The following TMPRSS6 variants were observed in gnomAD, a reference collection of about 807,000 sequenced individuals.
TMPRSS6 encodes transmembrane protease serine 6.
A neutral mutation model predicts 101.5 loss-of-function variants in TMPRSS6; 67 were observed. The ratio of observed to expected loss-of-function variants is 0.66; its 90% CI spans 0.54 to 0.81. The LOEUF is 0.81. Among genes scored for constraint, TMPRSS6 ranks in the 30% least tolerant of loss-of-function variants. TMPRSS6 has a pLI of 0.00. For synonymous variants in TMPRSS6, 453 were observed against 464.9 expected (o/e 0.97, Z 0.33); for missense variants, 1,034 against 1,088.7 (o/e 0.95, Z 0.71).
intron 16 of TMPRSS6, among the ~76,000 whole-genome samples, chr22:37,067,188 G>A (rs907433114): frequency 2.0e-5 from 3 of 152,164 alleles, no homozygotes; most frequent in Non-Finnish European, 4.4e-5. Flanking sequence ...CCCATGTGGA[G>A]GGCCGGGCAC....
At position 37,101,647 on chromosome 22, in the gene TMPRSS6, A is replaced by T. The variant is rs1169674410; in HGVS notation, c.202+1569T>A. 6.6e-6 allele frequency among the ~76,000 whole-genome samples: 1 copy of T among 151,822 alleles called. No individual in the cohort carries two copies. Among genetic ancestry groups the T allele is most frequent in the Non-Finnish European group, 1.5e-5 (1 of 67,942 alleles). On this transcript the variant is annotated intron_variant, in intron 2 of 17. Transcript: ENST00000676104. The surrounding 1 kb of genome is among the most constrained non-coding windows in gnomAD (Gnocchi z 4.1). Reference sequence around the variant, plus strand: ...TCAACCCTTAATCCCTCTGTGGGGGAGTTGGCTTCCCCCAGCAGAGGCTTG... The same window carrying T: ...TCAACCCTTAATCCCTCTGTGGGGGTGTTGGCTTCCCCCAGCAGAGGCTTG...
chr22:37,068,586 G>T (rs80231274), intron 16 of TMPRSS6: 8 of 779,550 alleles, frequency 1.0e-5, no homozygotes, highest in Non-Finnish European at 1.9e-5. Context: ...TCTAATCTTT[G>T]CTCCAGTCCT....
At chr22:37,075,035 C>T in intron 11 of TMPRSS6, 100 bp downstream of exon 11, 20 of 1,581,002 alleles carry the variant, frequency 1.3e-5, no homozygotes, top group Non-Finnish European at 1.6e-5. Context: ...TCCTTTTGTT[C>T]AGCCTCATAA....
chr22:37,099,109 A>G (rs1930073635), intron 2 of TMPRSS6, among the ~76,000 whole-genome samples: 1 of 152,244 alleles, frequency 6.6e-6, no homozygotes, highest in South Asian at 2.1e-4. Flanking sequence ...GCAGTGCCAC[A>G]TGGTGCTGTT....
intron 10 of TMPRSS6, among the ~76,000 whole-genome samples, chr22:37,083,326 C>A (rs1428859064): frequency 6.6e-6 from 1 of 152,196 alleles, no homozygotes. Context: ...TGCTCCCCAA[C>A]AATGGAGCCA....
chr22:37,094,323 G>C (rs917264073), intron 6 of TMPRSS6, among the ~76,000 whole-genome samples: 2 of 152,054 alleles, frequency 1.3e-5, no homozygotes, highest in African/African-American at 4.8e-5. Flanking sequence ...CCTTAACCAG[G>C]TTTGTATCTA....
At chr22:37,089,813 T>C (rs1409352130) in intron 6 of TMPRSS6, 31 bp from the exon 7 acceptor site, 9 of 1,598,738 alleles carry the variant, frequency 5.6e-6, no homozygotes, top group South Asian at 1.1e-5. Context: ...CAGCCCCTGA[T>C]TCCTGTGAGC....
chr22:37,077,436 C>T (rs1195604553), intron 10 of TMPRSS6, among the ~76,000 whole-genome samples: 2 of 152,236 alleles, frequency 1.3e-5, no homozygotes, highest in Non-Finnish European at 2.9e-5. Context: ...TTACACCAAC[C>T]AGCAGTTCTC....
rs1263518237 is a variant in TMPRSS6, at chr22:37,066,321, G to A, written c.2251-83C>T. ...TGAAGAGCCATAGGGATTAAGTCCTGACTGTTGGGAATTGACTGGGTGCCA... is the reference window on the plus strand; with the variant it reads ...TGAAGAGCCATAGGGATTAAGTCCTAACTGTTGGGAATTGACTGGGTGCCA... On this transcript the variant is annotated intron_variant, in intron 17 of 17. Coordinates refer to ENST00000676104, the MANE Select transcript of TMPRSS6 (RefSeq NM_001374504.1). 2.1e-5 allele frequency: 29 copies of A among 1,358,192 alleles called. No homozygotes were observed. In the South Asian group the frequency reaches 3.1e-4, roughly 15 times the overall value. 84.1% of individuals were successfully genotyped at this position (1,358,192 alleles called of 1,614,324 possible). A position where few individuals can be genotyped will look rare whatever the true frequency, so the allele number is the denominator to read the frequency against.
intron 3 of TMPRSS6, among the ~76,000 whole-genome samples, chr22:37,097,228 A>G (rs887157318): frequency 1.3e-5 from 2 of 152,176 alleles, no homozygotes; most frequent in Non-Finnish European, 2.9e-5. Flanking sequence ...CCCCTACCTC[A>G]TGGAGGAGGA....
intron 9 of TMPRSS6, among the ~76,000 whole-genome samples, 159 bp downstream of exon 9, chr22:37,084,568 C>T (rs1281526669): frequency 6.6e-6 from 1 of 152,194 alleles, no homozygotes; most frequent in Admixed American, 6.5e-5. Flanking sequence ...AGGGAGACCT[C>T]GCCCACAGCC....
Position 37,084,732 on chromosome 22 carries a change from G to T in TMPRSS6, c.1081C>A (p.Leu361Ile). Reference protein sequence around the residue: ...YSPQTHCSWHLTVPSLDYGLA... With the variant: ...YSPQTHCSWHITVPSLDYGLA... Reference sequence around the variant, plus strand: ...CAGGCAGGGTGGGGTCTCACCGTGAGGTGCCAGGAGCAGTGGGTTTGGGGC... The same window carrying T: ...CAGGCAGGGTGGGGTCTCACCGTGATGTGCCAGGAGCAGTGGGTTTGGGGC... Residue 361 changes from leucine (L) to isoleucine (I), a missense_variant, in exon 9 of 18, where the codon CTC becomes ATC. Leu to Ile is a conservative substitution (Grantham distance 5). Coordinates refer to ENST00000676104, the MANE Select transcript of TMPRSS6 (RefSeq NM_001374504.1). The T allele has an allele frequency of 6.4e-7, 1 of 1,561,360 alleles. No individual in the cohort carries two copies. The highest frequency in any genetic ancestry group is 8.7e-7 in the Non-Finnish European group (1 of 1,152,608).
intron 14 of TMPRSS6, 71 bp from the exon 15 acceptor site, chr22:37,070,723 G>T: frequency 6.6e-7 from 1 of 1,521,046 alleles, no homozygotes; most frequent in Non-Finnish European, 9.1e-7. Context: ...GAGAGGAAGG[G>T]CAAAGGAAAG....
chr22:37,066,889 G>T lies in TMPRSS6; in HGVS notation c.2187C>A (p.Arg729=). 1 of 1,614,192 alleles carries T rather than the reference G, an allele frequency of 6.2e-7. No individual in the cohort carries two copies. The highest frequency in any genetic ancestry group is 1.3e-5 in the African/African-American group (1 of 75,060). The change falls in exon 17 of 18, where the codon CGC becomes CGA. Residue 729 remains arginine (R), a synonymous_variant. Transcript: ENST00000676104. ...IPQDLCSEVY[R]YQVTPRMLCA... ...ACAGCATGCGTGGCGTCACCTGGTA[G>T]CGATAGACCTCGCTGCACAGGTCCT...
At chr22:37,089,483 T>A in intron 7 of TMPRSS6, 95 bp downstream of exon 7, 1 of 1,258,980 alleles carries the variant, frequency 7.9e-7, no homozygotes, top group Non-Finnish European at 1.1e-6. Flanking sequence ...GGTCCTACCC[T>A]CCCTTGTCTA....
At chr22:37,108,068 T>A (rs1183072116) in intron 1 of TMPRSS6, among the ~76,000 whole-genome samples, 1 of 152,156 alleles carries the variant, frequency 6.6e-6, no homozygotes, top group Non-Finnish European at 1.5e-5. Flanking sequence ...TGCCTCCTTT[T>A]TTCCCACCCT....
At chr22:37,074,184 T>C (rs2413450) in intron 12 of TMPRSS6, among the ~76,000 whole-genome samples, 91,802 of 152,104 alleles carry the variant, frequency 0.6, 29,047 homozygotes, top group African/African-American at 0.8. Context: ...GTTCAGTTTC[T>C]GAATATGAGG....
intron 10 of TMPRSS6, among the ~76,000 whole-genome samples, chr22:37,080,467 C>G (rs903342210): frequency 3.9e-5 from 6 of 152,284 alleles, no homozygotes; most frequent in Non-Finnish European, 5.9e-5. Context: ...CCCTAAAGTG[C>G]CTTGTCTGAA....
At chr22:37,084,595 G>T in intron 9 of TMPRSS6, 132 bp downstream of exon 9, 1 of 869,986 alleles carries the variant, frequency 1.1e-6, no homozygotes, top group African/African-American at 1.7e-5. Context: ...ACCCTGGCAG[G>T]ATGTGTACCC....
Sources: gnomAD v4.1 joint callset for allele counts (sites outside exome capture counted in the v4.1 genomes callset) on GRCh38, gnomAD v4.1.1 for gene constraint, Gnocchi (gnomAD v3.1) non-coding constraint, MANE v1.5 for transcripts, NCBI Gene and HGNC (gene_info 2026-07-23, HGNC 2026-07-21) for gene names.